Variants in PEX5L observed in about 807,000 individuals in gnomAD.
PEX5L encodes PEX5-related protein.
In PEX5L, 30 loss-of-function variants were observed where a neutral mutation model predicts 84.0. The ratio of observed to expected loss-of-function variants is 0.36; its 90% CI spans 0.27 to 0.48. The LOEUF is 0.48. Among genes scored for constraint, PEX5L ranks in the 20% least tolerant of loss-of-function variants. The pLI, the probability that PEX5L is intolerant of heterozygous loss-of-function variation, is 0.99. For synonymous variants in PEX5L, 270 were observed against 283.1 expected, an observed-to-expected ratio of 0.95 and a Z score of 0.46; for missense variants, 533 against 754.6, an observed-to-expected ratio of 0.71 and a Z score of 3.44.
chr3:179,948,371 C>T (rs1003217798), intron 2 of PEX5L, among the ~76,000 whole-genome samples: 1 of 152,178 alleles, frequency 6.6e-6, no homozygotes, highest in African/African-American at 2.4e-5. Flanking sequence ...TGGTCTTTAT[C>T]TAAAGTATCT....
intron 1 of PEX5L, among the ~76,000 whole-genome samples, chr3:179,983,372 T>C (rs1262731525): frequency 2.0e-5 from 3 of 152,012 alleles, no homozygotes; most frequent in Non-Finnish European, 4.4e-5. Context: ...AGAATCTACT[T>C]AACACTTAAG....
At chr3:179,895,448 C>T (rs9842394) in intron 3 of PEX5L, among the ~76,000 whole-genome samples, 61,900 of 151,894 alleles carry the variant, frequency 0.41, 13,069 homozygotes, top group Non-Finnish European at 0.47. Flanking sequence ...TGCTTTTTTA[C>T]ATACTATTTG....
At chr3:180,035,711 T>C (rs1791842903) in intron 1 of PEX5L, among the ~76,000 whole-genome samples, 1 of 152,204 alleles carries the variant, frequency 6.6e-6, no homozygotes, top group Non-Finnish European at 1.5e-5. Context: ...ATGATTGTAT[T>C]TGACCATCTT....
chr3:179,909,638 C>T (rs1007674501), intron 2 of PEX5L, among the ~76,000 whole-genome samples: 5 of 152,192 alleles, frequency 3.3e-5, no homozygotes, highest in Non-Finnish European at 7.4e-5. Context: ...CATAGGTTTT[C>T]CTATCTCATA....
rs549899425 is a variant in PEX5L at position 179,989,128 on chromosome 3, A to T, written c.22-17463T>A. Among the ~76,000 whole-genome samples, 3 of 152,304 alleles carry T rather than the reference A, an allele frequency of 2.0e-5. No homozygotes were observed. In the East Asian group the frequency reaches 5.8e-4, roughly 29 times the overall value. ...GGTAGGGATAATTCTGAGGCCATGG[A>T]ACAGAGCTAAGTTGTCTGGTTCTAC... is the stretch of plus-strand genomic sequence containing the variant. On this transcript the variant is annotated intron_variant, in intron 1 of 14. Coordinates refer to ENST00000467460, the MANE Select transcript of PEX5L (RefSeq NM_016559.3).
At chr3:179,958,278 T>C (rs1781108286) in intron 2 of PEX5L, among the ~76,000 whole-genome samples, 1 of 152,076 alleles carries the variant, frequency 6.6e-6, no homozygotes, top group African/African-American at 2.4e-5. Flanking sequence ...TGAAAGGAAG[T>C]TTTTAAACGT....
intron 8 of PEX5L, among the ~76,000 whole-genome samples, chr3:179,824,829 A>T (rs1434373459): frequency 1.3e-5 from 2 of 152,140 alleles, no homozygotes; most frequent in African/African-American, 4.8e-5. Flanking sequence ...AATTATGTGC[A>T]TATCAATGTG....
At chr3:179,872,630 A>T (rs1577885581) in intron 7 of PEX5L, among the ~76,000 whole-genome samples, 1 of 152,336 alleles carries the variant, frequency 6.6e-6, no homozygotes, top group Non-Finnish European at 1.5e-5. Flanking sequence ...CAGTCACTGG[A>T]ATAACATAAA....
At position 179,801,927 on chromosome 3, in the gene PEX5L, G is replaced by A. The variant is rs1227671930; in HGVS notation, c.1782C>T (p.Leu594=). 6.2e-7 allele frequency: 1 copy of A among 1,613,852 alleles called. No individual in the cohort carries two copies. Among genetic ancestry groups the A allele is most frequent in the Admixed American group, 1.7e-5 (1 of 60,018 alleles). Reference sequence around the variant, plus strand: ...GGTCCATCAGAGAGAGCGCAATTCTGAGGGCAGCCCAGATATTCCCAGAGA... The same window carrying A: ...GGTCCATCAGAGAGAGCGCAATTCTAAGGGCAGCCCAGATATTCCCAGAGA... ...PAISGNIWAA[L]RIALSLMDQP... is the part of the protein sequence containing the mutation. Residue 594 remains leucine (L), a synonymous_variant, in exon 15 of 15, where the codon CTC becomes CTT. Coordinates refer to ENST00000467460, the MANE Select transcript of PEX5L (RefSeq NM_016559.3).
At chr3:179,927,481 T>A (rs1771799610) in intron 2 of PEX5L, among the ~76,000 whole-genome samples, 1 of 152,162 alleles carries the variant, frequency 6.6e-6, no homozygotes, top group African/African-American at 2.4e-5. Flanking sequence ...GAGAGTGGTA[T>A]GTGGACTGTG....
intron 8 of PEX5L, among the ~76,000 whole-genome samples, chr3:179,830,235 C>A (rs929482834): frequency 2.6e-5 from 4 of 151,864 alleles, no homozygotes; most frequent in African/African-American, 9.7e-5. Flanking sequence ...TTTAAAAAAT[C>A]ACTTATATTG....
intron 9 of PEX5L, among the ~76,000 whole-genome samples, chr3:179,818,641 C>T (rs74344157): frequency 0.21 from 31,392 of 150,724 alleles, 3,519 homozygotes; most frequent in African/African-American, 0.28. Flanking sequence ...ATCATTCTAC[C>T]CTCCATTCAC....
chr3:179,998,107 C>T (rs1281586854), intron 1 of PEX5L, among the ~76,000 whole-genome samples: 2 of 152,182 alleles, frequency 1.3e-5, no homozygotes, highest in Admixed American at 1.3e-4. Context: ...GACTAAAATT[C>T]AGGGACCTTC....
At chr3:179,980,877 A>G (rs1579215278) in intron 1 of PEX5L, among the ~76,000 whole-genome samples, 1 of 152,270 alleles carries the variant, frequency 6.6e-6, no homozygotes, top group East Asian at 1.9e-4. Flanking sequence ...TACAAAAATT[A>G]GCTGGGTGTA....
At chr3:180,004,158 C>T (rs948115557) in intron 1 of PEX5L, among the ~76,000 whole-genome samples, 1 of 152,108 alleles carries the variant, frequency 6.6e-6, no homozygotes, top group African/African-American at 2.4e-5. Context: ...TAAAAAAACC[C>T]CTGGCTGGGA....
intron 14 of PEX5L, 56 bp from the exon 15 acceptor site, chr3:179,802,088 G>A: frequency 7.8e-7 from 1 of 1,287,044 alleles, no homozygotes; most frequent in Non-Finnish European, 1.1e-6. Flanking sequence ...GTTAGCAAAT[G>A]TAAACAAAAC....
At chr3:179,812,570 T>C (rs970156925) in intron 10 of PEX5L, among the ~76,000 whole-genome samples, 7 of 152,040 alleles carry the variant, frequency 4.6e-5, no homozygotes, top group African/African-American at 1.7e-4. Context: ...AATTCCCTTA[T>C]TGCTTTAAGT....
At chr3:179,948,602 A>G (rs1778238744) in intron 2 of PEX5L, among the ~76,000 whole-genome samples, 1 of 152,226 alleles carries the variant, frequency 6.6e-6, no homozygotes, top group Non-Finnish European at 1.5e-5. Context: ...CCCTCCGTGC[A>G]GGAGCTACCA....
At chr3:179,921,656 G>A (rs529469783) in intron 2 of PEX5L, 33 of 152,288 alleles carry the variant, frequency 2.2e-4, no homozygotes, top group African/African-American at 7.7e-4. Context: ...CTCTCTCTTG[G>A]TGTACAATGG....
Sources: allele counts gnomAD v4.1 joint callset (sites outside exome capture counted in the v4.1 genomes callset), GRCh38; gene constraint gnomAD v4.1.1; transcripts MANE v1.5; gene names NCBI Gene and HGNC (gene_info 2026-07-23, HGNC 2026-07-21).